The following TRIM5 variants were observed in gnomAD, a reference collection of about 807,000 sequenced individuals.
TRIM5 encodes tripartite motif containing 5.
TRIM5 carries 31 observed loss-of-function variants against 35.6 expected under a neutral mutation model. The ratio of observed to expected loss-of-function variants is 0.87; its 90% CI spans 0.65 to 1.18. The LOEUF (loss-of-function observed/expected upper bound fraction) is 1.18. Ranked by LOEUF, TRIM5 falls within the 50% of genes most tolerant of loss-of-function variation. The probability of loss-of-function intolerance (pLI) is 0.00; values close to 1 mark genes in which losing one functional copy is unlikely to be tolerated. For missense variants in TRIM5, 609 were observed against 591.6 expected, an observed-to-expected ratio of 1.03 and a Z score of -0.31; for synonymous variants, 243 against 215.6, an observed-to-expected ratio of 1.13 and a Z score of -1.11.
At chr11:5,646,791 G>A in the TRIM5 span, among the ~76,000 whole-genome samples, 8 of 152,270 alleles carry the variant, frequency 5.3e-5, no homozygotes, top group East Asian at 1.9e-4. Flanking sequence ...AAATGTACTC[G>A]TGTCCACTTT....
the TRIM5 span, chr11:5,632,827 T>A: frequency 7.5e-7 from 1 of 1,329,534 alleles, no homozygotes; most frequent in Non-Finnish European, 9.7e-7. Context: ...TCATCCTTTT[T>A]TTTTTTTTTT....
At chr11:5,682,637 A>G (rs1852580416) in intron 1 of TRIM5, among the ~76,000 whole-genome samples, 1 of 152,222 alleles carries the variant, frequency 6.6e-6, no homozygotes, top group South Asian at 2.1e-4. Context: ...GAACCAGCGT[A>G]TATACTGGAA....
intron 7 of TRIM5, 95 bp downstream of exon 7, chr11:5,665,561 A>C: frequency 6.3e-7 from 1 of 1,580,306 alleles, no homozygotes; most frequent in Non-Finnish European, 8.5e-7. Context: ...AAATCTTAAA[A>C]CATGAGCCTA....
chr11:5,637,159 C>A, the TRIM5 span, among the ~76,000 whole-genome samples: 1 of 150,274 alleles, frequency 6.7e-6, no homozygotes, highest in African/African-American at 2.4e-5. Context: ...GGCGACAGAG[C>A]GAGACTCAGT....
At chr11:5,682,677 T>C (rs913352777) in intron 1 of TRIM5, among the ~76,000 whole-genome samples, 3 of 152,146 alleles carry the variant, frequency 2.0e-5, no homozygotes, top group African/African-American at 7.2e-5. Flanking sequence ...TTTAGATCAT[T>C]AACATATCAC....
At chr11:5,638,809 A>G in the TRIM5 span, among the ~76,000 whole-genome samples, 2,584 of 152,330 alleles carry the variant, frequency 0.017, 30 homozygotes, top group Middle Eastern at 0.054. Flanking sequence ...TCACAGTCCA[A>G]TGAGATGCAG....
At chr11:5,613,947 T>G in the TRIM5 span, among the ~76,000 whole-genome samples, 2 of 152,288 alleles carry the variant, frequency 1.3e-5, no homozygotes, top group African/African-American at 4.8e-5. Flanking sequence ...CAAAGTATTG[T>G]CCAGTGAATG....
the TRIM5 span, among the ~76,000 whole-genome samples, chr11:5,655,473 A>T: frequency 6.6e-6 from 1 of 152,246 alleles, no homozygotes; most frequent in African/African-American, 2.4e-5. Flanking sequence ...TCCTCCAAAT[A>T]GAAATAAGTA....
At chr11:5,603,859 G>T in the TRIM5 span, 2 of 1,446,872 alleles carry the variant, frequency 1.4e-6, no homozygotes, top group Admixed American at 5.6e-5. Flanking sequence ...CCTGGAAACT[G>T]CCTCCCTGAT....
At chr11:5,638,171 G>A in the TRIM5 span, among the ~76,000 whole-genome samples, 2 of 152,206 alleles carry the variant, frequency 1.3e-5, no homozygotes, top group African/African-American at 4.8e-5. Flanking sequence ...AAATTGTACT[G>A]TCATTGCAGT....
At chr11:5,629,806 C>T in the TRIM5 span, among the ~76,000 whole-genome samples, 1 of 152,168 alleles carries the variant, frequency 6.6e-6, no homozygotes, top group East Asian at 1.9e-4. Context: ...CTCCCGGGTT[C>T]ACGCCATTCT....
At chr11:5,591,435 G>T in the TRIM5 span, among the ~76,000 whole-genome samples, 1 of 152,132 alleles carries the variant, frequency 6.6e-6, no homozygotes. Context: ...GATCACCTGA[G>T]GTCAAGAGTT....
At chr11:5,642,819 C>A in the TRIM5 span, 1 of 1,613,988 alleles carries the variant, frequency 6.2e-7, no homozygotes, top group Non-Finnish European at 8.5e-7. Context: ...TATTTCAGAA[C>A]TGACAGCTGT....
At chr11:5,631,059 C>T in the TRIM5 span, among the ~76,000 whole-genome samples, 1 of 152,198 alleles carries the variant, frequency 6.6e-6, no homozygotes, top group Non-Finnish European at 1.5e-5. Context: ...ACAGCCATCT[C>T]CTTGCTATTT....
At chr11:5,646,789 T>C in the TRIM5 span, among the ~76,000 whole-genome samples, 1 of 152,210 alleles carries the variant, frequency 6.6e-6, no homozygotes, top group Non-Finnish European at 1.5e-5. Context: ...CAAAATGTAC[T>C]CGTGTCCACT....
At chr11:5,641,002 A>AT in the TRIM5 span, among the ~76,000 whole-genome samples, 1 of 148,780 alleles carries the variant, frequency 6.7e-6, no homozygotes, top group Non-Finnish European at 1.5e-5. Context: ...TTCATTCCTG[A>AT]TTTTTTTTCT....
At chr11:5,606,536 G>C in the TRIM5 span, among the ~76,000 whole-genome samples, 1 of 151,946 alleles carries the variant, frequency 6.6e-6, no homozygotes, top group Non-Finnish European at 1.5e-5. Context: ...ATATTCTTGG[G>C]TCTTAGTATT....
At chr11:5,653,638 C>T in the TRIM5 span, among the ~76,000 whole-genome samples, 7 of 151,654 alleles carry the variant, frequency 4.6e-5, no homozygotes, top group Non-Finnish European at 7.4e-5. Context: ...ATTAGAAGTG[C>T]GCACCACCAT....
the TRIM5 span, among the ~76,000 whole-genome samples, chr11:5,604,064 C>T: frequency 2.0e-5 from 3 of 151,990 alleles, no homozygotes; most frequent in Admixed American, 1.3e-4. Flanking sequence ...GGTGCGATCC[C>T]GGCTCACTGC....
Sources: allele counts gnomAD v4.1 joint callset (sites outside exome capture counted in the v4.1 genomes callset), GRCh38; gene constraint gnomAD v4.1.1; transcripts MANE v1.5; gene names NCBI Gene and HGNC (gene_info 2026-07-23, HGNC 2026-07-21).